Variants in CHRNA4 observed in about 807,000 individuals in gnomAD.
CHRNA4 encodes the protein neuronal acetylcholine receptor subunit alpha-4.
A neutral mutation model predicts 48.9 loss-of-function variants in CHRNA4; 28 were observed. That is an observed-to-expected ratio of 0.57 (90% CI 0.42 to 0.79). The LOEUF is 0.79. CHRNA4 is among the 30% of genes least tolerant of loss of function. The pLI is 0.00. For synonymous variants in CHRNA4, 425 were observed against 402.3 expected (o/e 1.06, Z -0.68); for missense variants, 859 against 898.4 (o/e 0.96, Z 0.56).
In CHRNA4 at chr20:63,343,477, G is replaced by A. The variant is rs768138769; in HGVS notation, c.*3261C>T. 2.2e-6 allele frequency: 1 copy of A among 454,150 alleles called. No homozygotes were observed. The highest frequency in any genetic ancestry group is 4.4e-6 in the Non-Finnish European group (1 of 226,790). 28.1% of individuals were successfully genotyped at this position (454,150 alleles called of 1,614,324 possible). On this transcript the variant is annotated 3_prime_UTR_variant, in exon 6 of 6. Transcript: ENST00000370263. Reference sequence around the variant, plus strand: ...AAATCCGAAGCCGCCTCTGCTCCAGGGGACACCTAACCCAGCAGTCCCACA... The same window carrying A: ...AAATCCGAAGCCGCCTCTGCTCCAGAGGACACCTAACCCAGCAGTCCCACA...
In CHRNA4 at chr20:63,349,604, G is replaced by A. The variant is rs202063182; in HGVS notation, c.1758+49C>T. On this transcript the variant is annotated intron_variant, in intron 5 of 5. Coordinates refer to ENST00000370263, the MANE Select transcript of CHRNA4 (RefSeq NM_000744.7). ...ACACCAGGAAGAAAGGGCGTCCGCC[G>A]GTTCCGTCTGGGTCAGAGGCGCCCA... 268 of 1,607,962 alleles carry A rather than the reference G, an allele frequency of 1.7e-4. 4 individuals are homozygous for A. The Middle Eastern group carries it at 2.3e-3, about 14-fold the overall frequency.
At chr20:63,353,632 TCCTGG>T (rs2068654208) in intron 4 of CHRNA4, among the ~76,000 whole-genome samples, 1 of 79,310 alleles carries the variant, frequency 1.3e-5, no homozygotes, top group Admixed American at 1.6e-4. Flanking sequence ...GGGGCTGTGG[TCCTGG>T]AGGGGCTGTA....
At chr20:63,351,468 C>T (rs6010916) in intron 4 of CHRNA4, among the ~76,000 whole-genome samples, 14,676 of 152,250 alleles carry the variant, frequency 0.096, 751 homozygotes, top group Middle Eastern at 0.19. Flanking sequence ...CCATGAGTGG[C>T]GCATGGATGG....
rs1555839739 is a variant in CHRNA4 at position 63,356,992 on chromosome 20, C to CAACCACATCGCCATG, written c.229-578_229-577insCATGGCGATGTGGTT. ...CATCCCCACAGGACCACGTCCCCAC[C>CAACCACATCGCCATG]GACCACATCTCCATGGACCACATCC... On this transcript the variant is annotated intron_variant, in intron 2 of 5. Transcript: ENST00000370263. Among the ~76,000 whole-genome samples, 4 of 143,866 alleles carry CAACCACATCGCCATG rather than the reference C, an allele frequency of 2.8e-5. No homozygotes were observed. The East Asian group carries it at 8.4e-4, about 30-fold the overall frequency. 94.4% of individuals were successfully genotyped at this position (143,866 alleles called of 152,430 possible). A position where few individuals can be genotyped will look rare whatever the true frequency, so the allele number is the denominator to read the frequency against.
chr20:63,353,974 T>G (rs1400567484), intron 4 of CHRNA4, among the ~76,000 whole-genome samples: 32 of 4,410 alleles, frequency 7.3e-3, no homozygotes, highest in Admixed American at 0.012. Flanking sequence ...TCCTGGGAGG[T>G]CTGTGGTCCT....
At position 63,343,697 on chromosome 20, in the gene CHRNA4, T is replaced by C; in HGVS notation, c.*3041A>G. On this transcript the variant is annotated 3_prime_UTR_variant, in exon 6 of 6. Coordinates refer to ENST00000370263, the MANE Select transcript of CHRNA4 (RefSeq NM_000744.7). ...GGGCTGGGAAGCCCTGGCCAGGGCC[T>C]TCACTGGGGCCTCCCCTGGGAAGGA... is the stretch of plus-strand genomic sequence containing the variant. The C allele has an allele frequency of 2.2e-6, 1 of 446,212 alleles. No individual in the cohort carries two copies. The highest frequency in any genetic ancestry group is 4.5e-6 in the Non-Finnish European group (1 of 221,626). 27.6% of individuals were successfully genotyped at this position (446,212 alleles called of 1,614,324 possible).
chr20:63,356,047 T>G lies in CHRNA4; in HGVS notation c.311A>C (p.Asp104Ala), dbSNP rs202042826. Reference protein sequence around the residue: ...HDYKLRWDPADYENVTSIRIP... With the variant: ...HDYKLRWDPAAYENVTSIRIP... ...GCGGATGGAGGTGACATTCTCATAG[T>G]CAGCTGGGTCCCAGCGCAGCTTGTA... Residue 104 changes from aspartate (D) to alanine (A), a missense_variant, in exon 4 of 6, where the codon GAC becomes GCC. By Grantham distance (126) the Asp-to-Ala change is moderately radical. Around this residue, in one of 3 missense-constraint regions of CHRNA4, gnomAD observed 342 missense variants for 365.3 expected, o/e 0.94. Transcript: ENST00000370263. 5.0e-6 allele frequency: 8 copies of G among 1,603,136 alleles called. No homozygotes were observed. Among genetic ancestry groups the G allele is most frequent in the African/African-American group, 1.4e-5 (1 of 71,952 alleles).
chr20:63,346,839 C>A lies in CHRNA4; in HGVS notation c.1783G>T (p.Ala595Ser). ...AGGAAGATGCGGTCGATGACCATGG[C>A]CACGTACTTCCAGTCCTCCTTCACC... is the stretch of plus-strand genomic sequence containing the variant. ...FSVKEDWKYV[A>S]MVIDRIFLWM... The change falls in exon 6 of 6, where the codon GCC becomes TCC. Residue 595 changes from alanine to serine, a missense_variant. Around this residue, in one of 3 missense-constraint regions of CHRNA4, gnomAD observed 478 missense variants for 455.4 expected, o/e 1.05. Coordinates refer to ENST00000370263, the MANE Select transcript of CHRNA4 (RefSeq NM_000744.7). 6.2e-7 allele frequency: 1 copy of A among 1,612,604 alleles called. No homozygotes were observed. Among genetic ancestry groups the A allele is most frequent in the Non-Finnish European group, 8.5e-7 (1 of 1,179,640 alleles).
At position 63,346,828 on chromosome 20, in the gene CHRNA4, G is replaced by A. The variant is rs1365100603; in HGVS notation, c.1794C>T (p.Ile598=). 1.9e-6 allele frequency: 3 copies of A among 1,612,614 alleles called. No individual in the cohort carries two copies. The highest frequency in any genetic ancestry group is 2.5e-6 in the Non-Finnish European group (3 of 1,179,650). Residue 598 remains isoleucine, a synonymous_variant, in exon 6 of 6, where the codon ATC becomes ATT. Transcript: ENST00000370263. ...KEDWKYVAMV[I]DRIFLWMFII... is the part of the protein sequence containing the mutation. ...TGAACATCCAGAGGAAGATGCGGTC[G>A]ATGACCATGGCCACGTACTTCCAGT...
At chr20:63,356,581 C>A (rs550374096) in intron 2 of CHRNA4, 166 bp from the exon 3 acceptor site, 2 of 700,844 alleles carry the variant, frequency 2.9e-6, no homozygotes, top group African/African-American at 3.5e-5. Context: ...GCAGCCGAGC[C>A]CAGGATGGGG....
rs368706639 is a variant in CHRNA4, at chr20:63,348,245, A to G, written c.1759-1382T>C. Among the ~76,000 whole-genome samples the G allele has an allele frequency of 3.6e-4, 55 of 152,338 alleles. 1 individual carries two copies. The South Asian group carries it at 9.3e-3, about 26-fold the overall frequency. The stretch of plus-strand genomic sequence containing the variant: ...CGAGCTCAGACCCACTGCCAGCTTC[A>G]GGACCGCTTTGATCAAACACCTAAA... On this transcript the variant is annotated intron_variant, in intron 5 of 5. Coordinates refer to ENST00000370263, the MANE Select transcript of CHRNA4 (RefSeq NM_000744.7).
In CHRNA4 at chr20:63,350,432, C is replaced by T. The variant is rs201841018; in HGVS notation, c.979G>A (p.Val327Met). The T allele has an allele frequency of 1.9e-5, 30 of 1,613,678 alleles. No homozygotes were observed. The highest frequency in any genetic ancestry group is 2.7e-5 in the African/African-American group (2 of 74,846). ...GGCGAGCGGTGGTGCACGTTGAGCA[C>T]GAAGACCGTGATGACGATGGACAGG... The part of the protein sequence containing the change: ...VTLSIVITVF[V>M]LNVHHRSPRT... The change falls in exon 5 of 6, where the codon GTG (valine) becomes ATG (methionine). Residue 327 changes from valine to methionine, a missense_variant. Physicochemically the swap from Val to Met is conservative, Grantham distance 21. Around this residue, in one of 3 missense-constraint regions of CHRNA4, gnomAD observed 478 missense variants for 455.4 expected, o/e 1.05. Transcript: ENST00000370263.
intron 4 of CHRNA4, among the ~76,000 whole-genome samples, chr20:63,352,549 G>A (rs45461993): frequency 0.061 from 9,325 of 152,220 alleles, 396 homozygotes; most frequent in South Asian, 0.13. Flanking sequence ...AGCGGGGGGC[G>A]GGGCTTTACC....
Position 63,359,707 on chromosome 20 carries a change from G to A in CHRNA4, c.77-8C>T, listed in dbSNP as rs751415101. On this transcript the variant is annotated splice_polypyrimidine_tract_variant and splice_region_variant and intron_variant, in intron 1 of 5. Transcript: ENST00000370263. ...TCTCCACATGGCTGCTGGCTGCGGG[G>A]AGAGGCAGGCCAGTGGCTCAGGTGC... The A allele has an allele frequency of 8.1e-6, 13 of 1,609,962 alleles. No individual in the cohort carries two copies. Among genetic ancestry groups the A allele is most frequent in the African/African-American group, 1.3e-5 (1 of 74,858 alleles).
Position 63,349,689 on chromosome 20 carries a change from A to T in CHRNA4, c.1722T>A (p.Ile574=). The T allele has an allele frequency of 6.2e-7, 1 of 1,612,836 alleles. No homozygotes were observed. The highest frequency in any genetic ancestry group is 8.5e-7 in the Non-Finnish European group (1 of 1,179,878). ...TGTCTTCGGCCTTCAGGTGGTCTGC[A>T]ATGTACTGGACGCCCTCCACCGCCC... is the stretch of plus-strand genomic sequence containing the variant. ...LTRAVEGVQY[I]ADHLKAEDTD... is the part of the protein sequence containing the mutation. Residue 574 remains isoleucine, a synonymous_variant, in exon 5 of 6, where the codon ATT becomes ATA. Coordinates refer to ENST00000370263, the MANE Select transcript of CHRNA4 (RefSeq NM_000744.7).
rs1316407095 is a variant in CHRNA4, at chr20:63,345,018, G to A, written c.*1720C>T. ...CCCGGTCACAGGCACCCGGGGGTGG[G>A]GGTGACCAGCAGCAGTTCAGAGGCA... On this transcript the variant is annotated 3_prime_UTR_variant, in exon 6 of 6. Coordinates refer to ENST00000370263, the MANE Select transcript of CHRNA4 (RefSeq NM_000744.7). The surrounding 1 kb of genome is among the most constrained non-coding windows in gnomAD (Gnocchi z 5.4). The A allele has an allele frequency of 2.2e-6, 1 of 446,716 alleles. No homozygotes were observed. The highest frequency in any genetic ancestry group is 4.5e-6 in the Non-Finnish European group (1 of 220,902). 27.7% of individuals were successfully genotyped at this position (446,716 alleles called of 1,614,324 possible).
At position 63,359,915 on chromosome 20, in the gene CHRNA4, G is replaced by A. The variant is rs1235651888; in HGVS notation, c.77-216C>T. 9.1e-6 allele frequency: 4 copies of A among 438,266 alleles called. No homozygotes were observed. The African/African-American group carries it at 9.3e-5, about 10-fold the overall frequency. 27.1% of individuals were successfully genotyped at this position (438,266 alleles called of 1,614,324 possible). A position where few individuals can be genotyped will look rare whatever the true frequency, so the allele number is the denominator to read the frequency against. On this transcript the variant is annotated intron_variant, in intron 1 of 5. Coordinates refer to ENST00000370263, the MANE Select transcript of CHRNA4 (RefSeq NM_000744.7). ...GCGTGTGCTGTGTGTGTGTGTGTGT[G>A]TGTGTGTGTGTGTGCCGGGCGTGGC...
chr20:63,350,335 T>G lies in CHRNA4; in HGVS notation c.1076A>C (p.Lys359Thr). The G allele has an allele frequency of 1.2e-6, 2 of 1,613,412 alleles. No homozygotes were observed. Among genetic ancestry groups the G allele is most frequent in the East Asian group, 2.2e-5 (1 of 44,876 alleles). The change falls in exon 5 of 6, where the codon AAG (lysine) becomes ACG (threonine). Residue 359 changes from lysine (K) to threonine (T), a missense_variant. By Grantham distance (78) the Lys-to-Thr change is moderately conservative. This residue lies in a region of CHRNA4 where 478 missense variants were observed against 455.4 expected (regional missense o/e 1.05). Coordinates refer to ENST00000370263, the MANE Select transcript of CHRNA4 (RefSeq NM_000744.7). ...ATTGTCCTTGACCACGGACGGCCGC[T>G]TCATGAGGAGCAGGCGTGGCACGAT... ...LDIVPRLLLM[K>T]RPSVVKDNCR... is the part of the protein sequence containing the mutation.
chr20:63,355,639 C>T lies in CHRNA4; in HGVS notation c.383+336G>A, dbSNP rs578019255. 1.2e-4 allele frequency: 148 copies of T among 1,273,810 alleles called. 3 individuals are homozygous for T. In the South Asian group the frequency reaches 1.5e-3, roughly 13 times the overall value. 78.9% of individuals were successfully genotyped at this position (1,273,810 alleles called of 1,614,324 possible). A position where few individuals can be genotyped will look rare whatever the true frequency, so the allele number is the denominator to read the frequency against. On this transcript the variant is annotated intron_variant, in intron 4 of 5. Transcript: ENST00000370263. ...AAGACGTCGCGGGTCAGGAGCCAGC[C>T]CCCAGGCCTCAGGACTGGTCCAGGC... is the stretch of plus-strand genomic sequence containing the variant.
Sources: allele counts gnomAD v4.1 joint callset (sites outside exome capture counted in the v4.1 genomes callset), GRCh38; gene constraint gnomAD v4.1.1; regional missense constraint gnomAD v4.1.1; non-coding constraint Gnocchi (gnomAD v3.1); transcripts MANE v1.5; gene names NCBI Gene and HGNC (gene_info 2026-07-23, HGNC 2026-07-21).